The following KIAA1671 variants were observed in gnomAD, a reference collection of about 807,000 sequenced individuals.
The protein encoded by KIAA1671 is KIAA1671, also known as uncharacterized protein KIAA1671.
In KIAA1671, 52 loss-of-function variants were observed where a neutral mutation model predicts 131.2. That is an observed-to-expected ratio of 0.40 (90% CI 0.32 to 0.50). The LOEUF (loss-of-function observed/expected upper bound fraction) is 0.50, where lower values mean the gene tolerates loss of function less well. Ranked by LOEUF, KIAA1671 falls within the 20% of genes least tolerant of loss-of-function variation. The pLI is 0.73. For synonymous variants in KIAA1671, 1,003 were observed against 961.6 expected, an observed-to-expected ratio of 1.04 and a Z score of -0.80; for missense variants, 2,360 against 2,364.2, an observed-to-expected ratio of 1.00 and a Z score of 0.04.
chr22:25,003,976 C>G (rs1437468890), intron 1 of KIAA1671, among the ~76,000 whole-genome samples: 16 of 151,788 alleles, frequency 1.1e-4, no homozygotes. Context: ...CGCCACCACA[C>G]GCAGCTAATT....
intron 6 of KIAA1671, among the ~76,000 whole-genome samples, chr22:25,098,355 A>G (rs1421043907): frequency 3.3e-5 from 5 of 152,086 alleles, no homozygotes; most frequent in South Asian, 2.1e-4. Flanking sequence ...CATTCAACAA[A>G]GACTTACCGA....
rs1413125715 is a variant in KIAA1671 at position 25,040,920 on chromosome 22, A to G, written c.3790A>G (p.Ser1264Gly). The change falls in exon 5 of 13, where the codon AGT becomes GGT. Residue 1264 changes from serine (S) to glycine (G), a missense_variant. Transcript: ENST00000358431. ...TACCGGGGGTCTCTGGAAACCGGCC[A>G]GTTCTGCCGAAATAAATCACAGTTT... ...PDTGGLWKPA[S>G]SAEINHSFTP... The G allele has an allele frequency of 6.7e-7, 1 of 1,494,272 alleles. No individual in the cohort carries two copies. Among genetic ancestry groups the G allele is most frequent in the Admixed American group, 2.4e-5 (1 of 40,948 alleles). 92.6% of individuals were successfully genotyped at this position (1,494,272 alleles called of 1,614,324 possible).
intron 6 of KIAA1671, among the ~76,000 whole-genome samples, chr22:25,121,360 G>A (rs1931934379): frequency 6.6e-6 from 1 of 151,908 alleles, no homozygotes; most frequent in Non-Finnish European, 1.5e-5. Context: ...TGCTCGGGAG[G>A]CTGAGGCAGG....
rs1034601649 is a variant in KIAA1671, at chr22:25,127,694, G to A, written c.4531-43126G>A. Among the ~76,000 whole-genome samples the A allele has an allele frequency of 4.6e-5, 7 of 152,216 alleles. No individual in the cohort carries two copies. The South Asian group carries it at 1.4e-3, about 32-fold the overall frequency. The stretch of plus-strand genomic sequence containing the variant: ...CCTATACACGCCTGGGAGCTGAACA[G>A]TTAGAGATTTTTCATATGCTATGTT... On this transcript the variant is annotated intron_variant, in intron 6 of 12. Transcript: ENST00000358431.
intron 1 of KIAA1671, among the ~76,000 whole-genome samples, chr22:24,964,506 C>A (rs1922191252): frequency 6.6e-6 from 1 of 152,072 alleles, no homozygotes; most frequent in African/African-American, 2.4e-5. Flanking sequence ...ACTGCAACTT[C>A]CATTTCCCAG....
At chr22:25,035,741 TGGG>T (rs1426424813) in intron 4 of KIAA1671, among the ~76,000 whole-genome samples, 16 of 152,092 alleles carry the variant, frequency 1.1e-4, no homozygotes, top group Non-Finnish European at 1.3e-4. Flanking sequence ...GTCATTAAAT[TGGG>T]GGGATGGGTT....
chr22:25,131,971 T>A (rs1469102026), intron 6 of KIAA1671, among the ~76,000 whole-genome samples: 1 of 152,244 alleles, frequency 6.6e-6, no homozygotes, highest in East Asian at 1.9e-4. Context: ...TAGGAACACC[T>A]GTTAGCCATT....
In KIAA1671 at chr22:25,029,307, T is replaced by G. The variant is rs1466556444; in HGVS notation, c.1308T>G (p.Ser436Arg). ...AAGGEWASRR[S>R]VRKCISLFRE... is the part of the protein sequence containing the mutation. ...GGGGAGAGTGGGCCTCCAGGAGGAG[T>G]GTCAGGAAGTGCATCAGCCTGTTTC... Residue 436 changes from serine to arginine, a missense_variant, in exon 3 of 13, where the codon AGT becomes AGG. Around this residue, in one of 3 missense-constraint regions of KIAA1671, gnomAD observed 1,185 missense variants for 1,126.2 expected, o/e 1.05. Transcript: ENST00000358431. The G allele has an allele frequency of 2.7e-5, 41 of 1,529,258 alleles. No individual in the cohort carries two copies. Among genetic ancestry groups the G allele is most frequent in the Non-Finnish European group, 3.6e-5 (41 of 1,134,368 alleles). The allele number at this position is 1,529,258 out of a possible 1,614,324, so 94.7% of individuals were successfully genotyped here. A position where few individuals can be genotyped will look rare whatever the true frequency, so the allele number is the denominator to read the frequency against.
chr22:25,145,011 C>A (rs769123329), intron 6 of KIAA1671, among the ~76,000 whole-genome samples: 4 of 152,206 alleles, frequency 2.6e-5, no homozygotes, highest in Non-Finnish European at 4.4e-5. Flanking sequence ...CCTTGACTAA[C>A]CTGCTTTTAA....
intron 1 of KIAA1671, among the ~76,000 whole-genome samples, chr22:24,963,253 A>G (rs1031777362): frequency 6.6e-6 from 1 of 150,792 alleles, no homozygotes; most frequent in Non-Finnish European, 1.5e-5. Flanking sequence ...AATTCCAGCT[A>G]CTTGGGAGGC....
chr22:25,032,813 C>T (rs9612831), intron 4 of KIAA1671, 117 bp downstream of exon 4: 70,706 of 526,984 alleles, frequency 0.13, 5,255 homozygotes, highest in Middle Eastern at 0.17. Flanking sequence ...GTCATGCACA[C>T]GATAAAACAT....
chr22:25,026,270 GT>G (rs1422744976), intron 2 of KIAA1671, among the ~76,000 whole-genome samples: 3 of 152,142 alleles, frequency 2.0e-5, no homozygotes, highest in Non-Finnish European at 1.5e-5. Flanking sequence ...AGAGGCTTGT[GT>G]TTAACTAAAA....
chr22:25,149,960 C>A (rs186183881), intron 6 of KIAA1671, among the ~76,000 whole-genome samples: 92 of 152,330 alleles, frequency 6.0e-4, no homozygotes, highest in African/African-American at 2.1e-3. Context: ...TGCATCCATT[C>A]CATCCACTCC....
chr22:24,985,765 T>C (rs1221677994), intron 1 of KIAA1671, among the ~76,000 whole-genome samples: 1 of 151,536 alleles, frequency 6.6e-6, no homozygotes, highest in Non-Finnish European at 1.5e-5. Flanking sequence ...TGTGTGTGTG[T>C]GTGTATGGTG....
intron 6 of KIAA1671, among the ~76,000 whole-genome samples, chr22:25,079,854 G>T (rs1055290815): frequency 3.3e-5 from 5 of 152,118 alleles, no homozygotes; most frequent in African/African-American, 1.2e-4. Context: ...CCTTTGAGTA[G>T]GTCCCTCTGG....
chr22:25,095,240 G>A (rs1034241062), intron 6 of KIAA1671, among the ~76,000 whole-genome samples: 2 of 152,216 alleles, frequency 1.3e-5, no homozygotes. Flanking sequence ...TGTGGGGAAA[G>A]GTAGGTGTGG....
chr22:25,116,405 ATG>A lies in KIAA1671; in HGVS notation c.4531-54413_4531-54412del, dbSNP rs1491043658. On this transcript the variant is annotated intron_variant, in intron 6 of 12. Transcript: ENST00000358431. ...CCAGTATGTATGTATGTATGTATGTATGTATGTATGTATGTATGTATGTATGT... is the reference window on the plus strand; with the variant it reads ...CCAGTATGTATGTATGTATGTATGTATATGTATGTATGTATGTATGTATGT... Among the ~76,000 whole-genome samples, 130 of 148,172 alleles carry A rather than the reference ATG, an allele frequency of 8.8e-4. 1 individual carries two copies. The highest frequency in any genetic ancestry group is 3.3e-3 in the African/African-American group (128 of 39,018).
intron 6 of KIAA1671, among the ~76,000 whole-genome samples, chr22:25,114,286 A>G (rs1931544294): frequency 6.6e-6 from 1 of 152,154 alleles, no homozygotes; most frequent in Non-Finnish European, 1.5e-5. Flanking sequence ...ACCCATTCTT[A>G]AGCCTCAGTT....
At chr22:25,079,692 G>C (rs1929299395) in intron 6 of KIAA1671, among the ~76,000 whole-genome samples, 1 of 152,212 alleles carries the variant, frequency 6.6e-6, no homozygotes, top group Non-Finnish European at 1.5e-5. Context: ...GGTGGCTGCA[G>C]CAGACTGGGT....
Sources: gnomAD v4.1 joint callset for allele counts (sites outside exome capture counted in the v4.1 genomes callset) on GRCh38, gnomAD v4.1.1 for gene constraint, gnomAD v4.1.1 regional missense constraint, MANE v1.5 for transcripts, NCBI Gene and HGNC (gene_info 2026-07-23, HGNC 2026-07-21) for gene names.